The following ATP6V1H variants were observed in gnomAD, a reference collection of about 807,000 sequenced individuals.
ATP6V1H encodes V-type proton ATPase subunit H.
A neutral mutation model predicts 71.7 loss-of-function variants in ATP6V1H; 39 were observed. The observed-to-expected ratio is 0.54, with a 90% CI of 0.42 to 0.71. The LOEUF (loss-of-function observed/expected upper bound fraction) is 0.71. ATP6V1H is among the 30% of genes least tolerant of loss of function. The probability of loss-of-function intolerance (pLI) is 0.00; values close to 1 mark genes in which losing one functional copy is unlikely to be tolerated. For missense variants in ATP6V1H, 509 were observed against 594.9 expected (o/e 0.86, Z 1.50); for synonymous variants, 192 against 199.3 (o/e 0.96, Z 0.31).
intron 9 of ATP6V1H, among the ~76,000 whole-genome samples, chr8:53,779,393 A>AAT (rs1809013097): frequency 6.6e-6 from 1 of 151,894 alleles, no homozygotes; most frequent in East Asian, 1.9e-4. Context: ...TCTATTTGGA[A>AAT]ATTTAACAAT....
intron 12 of ATP6V1H, among the ~76,000 whole-genome samples, chr8:53,749,135 G>C (rs4738916): frequency 0.17 from 25,181 of 152,150 alleles, 3,365 homozygotes; most frequent in East Asian, 0.37. Context: ...ACTGTACAAA[G>C]TGAAAAGTGT....
intron 13 of ATP6V1H, among the ~76,000 whole-genome samples, chr8:53,740,234 T>C (rs990547225): frequency 6.6e-6 from 1 of 152,214 alleles, no homozygotes; most frequent in African/African-American, 2.4e-5. Flanking sequence ...GTAACATAAA[T>C]TACACTTAAA....
Position 53,841,648 on chromosome 8 carries a change from G to C in ATP6V1H, c.43C>G (p.Pro15Ala), listed in dbSNP as rs201854124. 77 of 1,613,834 alleles carry C rather than the reference G, an allele frequency of 4.8e-5. No homozygotes were observed. In the African/African-American group the frequency reaches 8.1e-4, roughly 17 times the overall value. The change falls in exon 2 of 14, where the codon CCC (proline) becomes GCC (alanine). Residue 15 changes from proline to alanine, a missense_variant. Physicochemically the swap from Pro to Ala is conservative, Grantham distance 27 (BLOSUM62 -1). Around this residue, in one of 2 missense-constraint regions of ATP6V1H, gnomAD observed 297 missense variants for 303.3 expected, o/e 0.98. Transcript: ENST00000359530. ...GCCTTGGCAGCAATAATATTGGTGG[G>C]GACAGCAGCATCCACAGCACCTCGG... ...DIRGAVDAAV[P>A]TNIIAAKAAE...
chr8:53,745,630 T>C (rs763174866), intron 12 of ATP6V1H, among the ~76,000 whole-genome samples: 28 of 151,972 alleles, frequency 1.8e-4, no homozygotes, highest in Admixed American at 3.9e-4. Flanking sequence ...TAACAGCCCC[T>C]TCTTGTGCTT....
At chr8:53,729,120 G>A (rs1225568315) in intron 13 of ATP6V1H, among the ~76,000 whole-genome samples, 2 of 152,140 alleles carry the variant, frequency 1.3e-5, no homozygotes, top group Non-Finnish European at 2.9e-5. Flanking sequence ...CAGAGCAGCT[G>A]CCCTCCTCAA....
chr8:53,823,914 G>C lies in ATP6V1H; in HGVS notation c.306+5530C>G, dbSNP rs545048341. Among the ~76,000 whole-genome samples the C allele has an allele frequency of 2.3e-3, 345 of 150,826 alleles. 2 individuals are homozygous for C. Among genetic ancestry groups the C allele is most frequent in the African/African-American group, 8.0e-3 (328 of 41,064 alleles). Reference sequence around the variant, plus strand: ...CAAAAGCAGAAATTAAGGTAGAGAAGAGAAAAACTATAGATCAATTAATAT... The same window carrying C: ...CAAAAGCAGAAATTAAGGTAGAGAACAGAAAAACTATAGATCAATTAATAT... On this transcript the variant is annotated intron_variant, in intron 4 of 13. Transcript: ENST00000359530.
intron 4 of ATP6V1H, among the ~76,000 whole-genome samples, chr8:53,820,375 T>A (rs1267020372): frequency 2.6e-5 from 4 of 151,154 alleles, no homozygotes; most frequent in African/African-American, 7.3e-5. Context: ...AACTTTAGGG[T>A]TCTGCAAGAC....
intron 13 of ATP6V1H, 134 bp downstream of exon 13, chr8:53,743,443 T>G: frequency 1.6e-6 from 1 of 612,194 alleles, no homozygotes; most frequent in Non-Finnish European, 2.9e-6. Context: ...ATTACTAAAA[T>G]ATATTTCTAA....
chr8:53,750,844 A>G (rs1278188740), intron 12 of ATP6V1H, among the ~76,000 whole-genome samples: 1 of 152,210 alleles, frequency 6.6e-6, no homozygotes, highest in African/African-American at 2.4e-5. Context: ...AACAACTGCT[A>G]TTGCTTGAAG....
chr8:53,756,713 C>A, intron 11 of ATP6V1H, 57 bp from the exon 12 acceptor site: 1 of 1,100,112 alleles, frequency 9.1e-7, no homozygotes, highest in Non-Finnish European at 1.4e-6. Flanking sequence ...TAGACTACAA[C>A]AGAGCACAGG....
At chr8:53,756,069 CT>C (rs199967847) in intron 12 of ATP6V1H, among the ~76,000 whole-genome samples, 9,366 of 96,520 alleles carry the variant, frequency 0.097, 416 homozygotes, top group East Asian at 0.28. Flanking sequence ...TTTTTCTTTT[CT>C]TTTTTTTTTT....
chr8:53,772,380 G>A (rs532027211), intron 9 of ATP6V1H, among the ~76,000 whole-genome samples: 3 of 152,058 alleles, frequency 2.0e-5, no homozygotes, highest in African/African-American at 7.2e-5. Flanking sequence ...GTATTTCCTG[G>A]ATTACTAAAC....
intron 4 of ATP6V1H, among the ~76,000 whole-genome samples, chr8:53,828,846 T>C (rs1810905168): frequency 6.6e-6 from 1 of 152,128 alleles, no homozygotes; most frequent in African/African-American, 2.4e-5. Context: ...GGAAGGCCGA[T>C]CTCATAAGAA....
intron 9 of ATP6V1H, among the ~76,000 whole-genome samples, chr8:53,791,444 G>A (rs1276019582): frequency 6.6e-6 from 1 of 152,176 alleles, no homozygotes; most frequent in Non-Finnish European, 1.5e-5. Context: ...TGTGCCTTCA[G>A]AAAGTAAACA....
chr8:53,782,027 C>A lies in ATP6V1H; in HGVS notation c.871-9860G>T, dbSNP rs546757010. 2.0e-5 allele frequency among the ~76,000 whole-genome samples: 3 copies of A among 152,306 alleles called. No homozygotes were observed. The South Asian group carries it at 6.2e-4, about 32-fold the overall frequency. ...TAGGATTAACTTGGCAATGCAGGAT[C>A]TTTTTTGGTTCCATATGAACGTTAA... is the stretch of plus-strand genomic sequence containing the variant. On this transcript the variant is annotated intron_variant, in intron 9 of 13. Transcript: ENST00000359530.
Position 53,746,144 on chromosome 8 carries a change from C to T in ATP6V1H, c.1278-2454G>A, listed in dbSNP as rs540017089. On this transcript the variant is annotated intron_variant, in intron 12 of 13. Coordinates refer to ENST00000359530, the MANE Select transcript of ATP6V1H (RefSeq NM_015941.4). ...TTCATATTTTTCATCTCATGTAATT[C>T]TCACAACAAATAATACTGCCTAGCA... Among the ~76,000 whole-genome samples the T allele has an allele frequency of 4.6e-5, 7 of 152,330 alleles. No homozygotes were observed. In the East Asian group the frequency reaches 1.3e-3, roughly 29 times the overall value.
At chr8:53,789,971 T>C (rs1383986271) in intron 9 of ATP6V1H, among the ~76,000 whole-genome samples, 1 of 152,108 alleles carries the variant, frequency 6.6e-6, no homozygotes, top group African/African-American at 2.4e-5. Flanking sequence ...AGCAAAGACA[T>C]TGAGTCAAAT....
chr8:53,838,002 G>A (rs1292785250), intron 2 of ATP6V1H, among the ~76,000 whole-genome samples: 2 of 152,142 alleles, frequency 1.3e-5, no homozygotes, highest in Admixed American at 6.5e-5. Context: ...AGCCTGGAGA[G>A]AGCCACACTG....
chr8:53,836,854 A>C (rs916311698), intron 2 of ATP6V1H, among the ~76,000 whole-genome samples: 1 of 152,210 alleles, frequency 6.6e-6, no homozygotes, highest in African/African-American at 2.4e-5. Flanking sequence ...AGAGAATAGG[A>C]TAGAAGCTGG....
Sources: gnomAD v4.1 joint callset for allele counts (sites outside exome capture counted in the v4.1 genomes callset) on GRCh38, gnomAD v4.1.1 for gene constraint, gnomAD v4.1.1 regional missense constraint, MANE v1.5 for transcripts, NCBI Gene and HGNC (gene_info 2026-07-23, HGNC 2026-07-21) for gene names.